SNX10: variants seen among roughly 807,000 people sequenced by gnomAD.
SNX10 encodes sorting nexin 10, also known as sorting nexin-10.
Under a neutral mutation model 28.5 loss-of-function variants are expected in SNX10, and 25 were observed. The ratio of observed to expected loss-of-function variants is 0.88; its 90% confidence interval spans 0.64 to 1.22. The LOEUF (loss-of-function observed/expected upper bound fraction) is 1.22, where lower values mean the gene tolerates loss of function less well. SNX10 is among the 50% of genes most tolerant of loss of function. The pLI, the probability that SNX10 is intolerant of heterozygous loss-of-function variation, is 0.00. For missense variants in SNX10, 223 were observed against 242.6 expected (o/e 0.92, Z 0.54); for synonymous variants, 62 against 81.4 (o/e 0.76, Z 1.28).
intron 1 of SNX10, among the ~76,000 whole-genome samples, chr7:26,332,634 A>AT (rs1330005027): frequency 3.3e-5 from 5 of 152,172 alleles, no homozygotes; most frequent in African/African-American, 1.2e-4. Flanking sequence ...ATATCAAAGA[A>AT]TCCTTTGCCA....
chr7:26,365,224 A>G, intron 5 of SNX10, 79 bp downstream of exon 5: 1 of 834,432 alleles, frequency 1.2e-6, no homozygotes, highest in East Asian at 2.5e-5. Flanking sequence ...GGTGTGGGGA[A>G]GAGTGTTCCT....
intron 1 of SNX10, among the ~76,000 whole-genome samples, chr7:26,340,424 C>A (rs1453964726): frequency 1.3e-5 from 2 of 152,240 alleles, no homozygotes; most frequent in African/African-American, 2.4e-5. Flanking sequence ...CAAATATTTA[C>A]TATCTGACCC....
intron 1 of SNX10, among the ~76,000 whole-genome samples, chr7:26,340,017 A>C (rs1040400515): frequency 6.6e-6 from 1 of 152,100 alleles, no homozygotes; most frequent in African/African-American, 2.4e-5. Context: ...TTTTTTTTAA[A>C]TAATGATATA....
At chr7:26,359,491 A>G (rs1233492669) in intron 2 of SNX10, among the ~76,000 whole-genome samples, 1 of 152,008 alleles carries the variant, frequency 6.6e-6, no homozygotes, top group Non-Finnish European at 1.5e-5. Context: ...TGAACTCCCA[A>G]TCTTATCAAA....
intron 1 of SNX10, among the ~76,000 whole-genome samples, chr7:26,299,909 AC>A (rs1232832914): frequency 6.6e-6 from 1 of 152,032 alleles, no homozygotes; most frequent in African/African-American, 2.4e-5. Context: ...TTTCAAAAAA[AC>A]TTTTAAAAAG....
intron 2 of SNX10, chr7:26,360,508 T>G (rs1789023247): frequency 6.1e-6 from 1 of 162,686 alleles, no homozygotes; most frequent in Non-Finnish European, 1.3e-5. Context: ...TCCAAAGTGC[T>G]GGGATTACAG....
intron 1 of SNX10, among the ~76,000 whole-genome samples, chr7:26,293,854 C>T (rs1051180599): frequency 4.0e-5 from 6 of 151,860 alleles, no homozygotes; most frequent in Admixed American, 3.9e-4. Context: ...GAAATAAGCA[C>T]GTTCATTAAA....
chr7:26,318,953 TCA>T (rs1488310170), intron 1 of SNX10, among the ~76,000 whole-genome samples: 4 of 152,244 alleles, frequency 2.6e-5, no homozygotes, highest in African/African-American at 9.6e-5. Context: ...TTGTTCAAGG[TCA>T]CACAGCCATG....
chr7:26,292,731 A>T (rs1426324246), intron 1 of SNX10, among the ~76,000 whole-genome samples: 1 of 152,236 alleles, frequency 6.6e-6, no homozygotes, highest in Non-Finnish European at 1.5e-5. Flanking sequence ...AAGGGCTTCT[A>T]TCTCTACAAG....
At chr7:26,295,677 C>T (rs1786080038) in intron 1 of SNX10, among the ~76,000 whole-genome samples, 1 of 152,174 alleles carries the variant, frequency 6.6e-6, no homozygotes, top group Non-Finnish European at 1.5e-5. Context: ...TACGAATTGC[C>T]AGAGACCCCC....
chr7:26,311,750 CTGTT>C, intron 1 of SNX10, among the ~76,000 whole-genome samples: 1 of 152,266 alleles, frequency 6.6e-6, no homozygotes, highest in Non-Finnish European at 1.5e-5. Context: ...GGCTGAGTCA[CTGTT>C]TAATTGGATT....
chr7:26,356,936 A>G, intron 2 of SNX10: 1 of 331,004 alleles, frequency 3.0e-6, no homozygotes, highest in Admixed American at 4.4e-5. Flanking sequence ...CAAGAACCCA[A>G]GTAGATGAGG....
chr7:26,306,896 C>T (rs1408823386), intron 1 of SNX10, among the ~76,000 whole-genome samples: 1 of 152,204 alleles, frequency 6.6e-6, no homozygotes, highest in East Asian at 1.9e-4. Flanking sequence ...TCTCCTCTTA[C>T]AGATGAGAAC....
At chr7:26,358,606 G>A (rs1788921015) in intron 2 of SNX10, among the ~76,000 whole-genome samples, 1 of 151,890 alleles carries the variant, frequency 6.6e-6, no homozygotes, top group Admixed American at 6.6e-5. Context: ...GGGCATGGTG[G>A]CACCCGCCTG....
chr7:26,308,993 G>A (rs1361930190), intron 1 of SNX10, among the ~76,000 whole-genome samples: 1 of 152,158 alleles, frequency 6.6e-6, no homozygotes, highest in Non-Finnish European at 1.5e-5. Context: ...GATTGTCTTT[G>A]AGTAAGAGAA....
intron 2 of SNX10, among the ~76,000 whole-genome samples, chr7:26,352,985 G>A (rs748803859): frequency 6.6e-6 from 1 of 150,968 alleles, no homozygotes; most frequent in Non-Finnish European, 1.5e-5. Context: ...TGCAGAAGAG[G>A]AGGTTTTTTT....
chr7:26,345,758 T>A (rs1485276391), intron 1 of SNX10, among the ~76,000 whole-genome samples: 1 of 152,124 alleles, frequency 6.6e-6, no homozygotes, highest in African/African-American at 2.4e-5. Context: ...AGGCAGGGAA[T>A]TTAAATTTGC....
At chr7:26,294,989 A>G (rs1359449161) in intron 1 of SNX10, among the ~76,000 whole-genome samples, 1 of 152,154 alleles carries the variant, frequency 6.6e-6, no homozygotes, top group East Asian at 1.9e-4. Context: ...TGATACTTAC[A>G]TTTATTTTTC....
chr7:26,330,811 GGA>G (rs1172475697), intron 1 of SNX10, among the ~76,000 whole-genome samples: 1 of 152,124 alleles, frequency 6.6e-6, no homozygotes, highest in Non-Finnish European at 1.5e-5. Flanking sequence ...CTCGAGCCCT[GGA>G]GTTTGAGACC....
Sources: allele counts gnomAD v4.1 joint callset (sites outside exome capture counted in the v4.1 genomes callset), GRCh38; gene constraint gnomAD v4.1.1; transcripts MANE v1.5; gene names NCBI Gene and HGNC (gene_info 2026-07-23, HGNC 2026-07-21).